TIAM1: variants seen among roughly 807,000 people sequenced by gnomAD.
TIAM1 encodes the protein TIAM Rac1 associated GEF 1, also known as rho guanine nucleotide exchange factor TIAM1.
Under a neutral mutation model 163.5 loss-of-function variants are expected in TIAM1, and 65 were observed. The observed-to-expected ratio is 0.40, with a 90% confidence interval of 0.33 to 0.49. The LOEUF is 0.49. TIAM1 is among the 20% of genes least tolerant of loss of function. TIAM1 has a pLI of 0.77. For missense variants in TIAM1, 1,789 were observed against 2,044.7 expected (o/e 0.87, Z 2.41); for synonymous variants, 833 against 810.1 (o/e 1.03, Z -0.48).
At chr21:31,431,417 A>T (rs1338559002) in intron 2 of TIAM1, among the ~76,000 whole-genome samples, 1 of 152,214 alleles carries the variant, frequency 6.6e-6, no homozygotes, top group African/African-American at 2.4e-5. Context: ...GCAAGTTCCC[A>T]GATGATGCTG....
intron 1 of TIAM1, among the ~76,000 whole-genome samples, chr21:31,539,713 G>A (rs934971124): frequency 1.4e-4 from 22 of 152,282 alleles, no homozygotes; most frequent in African/African-American, 4.1e-4. Flanking sequence ...GGGAGGGTGA[G>A]AATCAGTGAA....
At chr21:31,239,631 G>T (rs115961000) in intron 6 of TIAM1, among the ~76,000 whole-genome samples, 3,471 of 151,998 alleles carry the variant, frequency 0.023, 140 homozygotes, top group African/African-American at 0.079. Context: ...TACTTGCAAT[G>T]AATATAATCA....
chr21:31,170,346 G>A (rs891588678), intron 15 of TIAM1, among the ~76,000 whole-genome samples: 1 of 152,200 alleles, frequency 6.6e-6, no homozygotes, highest in Non-Finnish European at 1.5e-5. Context: ...CCAAGAAATT[G>A]GTGAATATAC....
At chr21:31,178,912 T>C (rs1006950471) in intron 15 of TIAM1, among the ~76,000 whole-genome samples, 5 of 151,362 alleles carry the variant, frequency 3.3e-5, no homozygotes, top group Admixed American at 3.3e-4. Flanking sequence ...CCACCATGCC[T>C]GGCTAATTTT....
chr21:31,180,298 T>TAC (rs112802072), intron 15 of TIAM1, among the ~76,000 whole-genome samples: 4,306 of 152,292 alleles, frequency 0.028, 225 homozygotes, highest in African/African-American at 0.099. Context: ...AGTCATACTT[T>TAC]ACATCAGGGA....
intron 2 of TIAM1, among the ~76,000 whole-genome samples, chr21:31,408,998 C>G (rs928440311): frequency 6.6e-6 from 1 of 152,192 alleles, no homozygotes; most frequent in Non-Finnish European, 1.5e-5. Flanking sequence ...CACATGCCCC[C>G]CCCTCCAGGC....
At chr21:31,385,717 TA>T (rs35150732) in intron 2 of TIAM1, among the ~76,000 whole-genome samples, 46,033 of 141,104 alleles carry the variant, frequency 0.33, 7,441 homozygotes, top group Middle Eastern at 0.41. Context: ...CTGGAAGATT[TA>T]AAAAAAAAAA....
intron 2 of TIAM1, among the ~76,000 whole-genome samples, chr21:31,357,761 C>T (rs1449814793): frequency 2.6e-5 from 4 of 152,216 alleles, no homozygotes; most frequent in South Asian, 4.1e-4. Context: ...AATGATCTCC[C>T]GGTTTATAAA....
At chr21:31,413,555 C>T (rs1038881839) in intron 2 of TIAM1, among the ~76,000 whole-genome samples, 8 of 152,102 alleles carry the variant, frequency 5.3e-5, no homozygotes, top group Admixed American at 5.2e-4. Context: ...TAGGCATGAG[C>T]CACCACGCCC....
At chr21:31,279,426 T>A (rs559788006) in intron 2 of TIAM1, among the ~76,000 whole-genome samples, 1 of 152,330 alleles carries the variant, frequency 6.6e-6, no homozygotes, top group African/African-American at 2.4e-5. Context: ...TTGGGAACTA[T>A]CAGTACTCTG....
intron 2 of TIAM1, among the ~76,000 whole-genome samples, chr21:31,457,715 G>A (rs574324285): frequency 6.6e-6 from 1 of 152,272 alleles, no homozygotes; most frequent in African/African-American, 2.4e-5. Flanking sequence ...TGGTATAAAA[G>A]GTTAATAATG....
chr21:31,555,201 TA>T (rs1241811140), intron 1 of TIAM1, among the ~76,000 whole-genome samples: 1 of 151,416 alleles, frequency 6.6e-6, no homozygotes, highest in Non-Finnish European at 1.5e-5. Context: ...TTTTTTTTTT[TA>T]CACAGGAGTT....
intron 1 of TIAM1, among the ~76,000 whole-genome samples, chr21:31,547,288 G>A (rs11700792): frequency 0.14 from 21,110 of 152,158 alleles, 1,700 homozygotes; most frequent in Non-Finnish European, 0.18. Context: ...AAGTATATCT[G>A]GTTTTGAGCC....
At chr21:31,180,482 T>C (rs916033245) in intron 15 of TIAM1, among the ~76,000 whole-genome samples, 2 of 151,452 alleles carry the variant, frequency 1.3e-5, no homozygotes, top group South Asian at 2.1e-4. Context: ...AAACAGGTGG[T>C]GGGCTGCTTT....
chr21:31,123,129 T>C (rs1348381494), intron 27 of TIAM1, among the ~76,000 whole-genome samples: 1 of 152,230 alleles, frequency 6.6e-6, no homozygotes, highest in Non-Finnish European at 1.5e-5. Flanking sequence ...TTTGTTTTCT[T>C]TCCAAATGGA....
At chr21:31,499,184 A>G (rs2046767007) in intron 1 of TIAM1, among the ~76,000 whole-genome samples, 1 of 152,132 alleles carries the variant, frequency 6.6e-6, no homozygotes, top group Non-Finnish European at 1.5e-5. Flanking sequence ...ACAAACACCA[A>G]TCACAAGGGA....
intron 6 of TIAM1, among the ~76,000 whole-genome samples, chr21:31,233,992 C>T (rs973949410): frequency 1.3e-5 from 2 of 152,156 alleles, no homozygotes; most frequent in Admixed American, 6.5e-5. Context: ...TCCACAAGGC[C>T]GCTTACTGTC....
At chr21:31,244,289 C>A (rs1052442230) in intron 6 of TIAM1, among the ~76,000 whole-genome samples, 21 of 152,292 alleles carry the variant, frequency 1.4e-4, no homozygotes, top group African/African-American at 5.1e-4. Context: ...TTTGTTCTAG[C>A]CCCCTCCTTG....
chr21:31,549,398 G>C (rs977957921), intron 1 of TIAM1, among the ~76,000 whole-genome samples: 2 of 152,010 alleles, frequency 1.3e-5, no homozygotes, highest in African/African-American at 4.8e-5. Context: ...ACAGAATGGA[G>C]AAAATGTTTG....
Sources: gnomAD v4.1 joint callset for allele counts (sites outside exome capture counted in the v4.1 genomes callset) on GRCh38, gnomAD v4.1.1 for gene constraint, MANE v1.5 for transcripts, NCBI Gene and HGNC (gene_info 2026-07-23, HGNC 2026-07-21) for gene names.